PAX9: variants seen among roughly 807,000 people sequenced by gnomAD.
The protein encoded by PAX9 is paired box 9, also known as paired box protein Pax-9.
In PAX9, 6 loss-of-function variants were observed where a neutral mutation model predicts 29.1. That is an observed-to-expected ratio of 0.21 (90% CI 0.11 to 0.41). The LOEUF (loss-of-function observed/expected upper bound fraction) is 0.41. Ranked by LOEUF, PAX9 falls within the 10% of genes least tolerant of loss-of-function variation. The probability of loss-of-function intolerance (pLI) is 1.00; values close to 1 mark genes in which losing one functional copy is unlikely to be tolerated. For missense variants in PAX9, 443 were observed against 479.1 expected, an observed-to-expected ratio of 0.92 and a Z score of 0.70; for synonymous variants, 217 against 211.7, an observed-to-expected ratio of 1.03 and a Z score of -0.22.
chr14:36,658,110 A>G (rs904203414), upstream of PAX9, among the ~76,000 whole-genome samples: 1 of 151,840 alleles, frequency 6.6e-6, no homozygotes, highest in African/African-American at 2.4e-5. Flanking sequence ...TTTCAGGGAA[A>G]CTCAGCTGGC....
chr14:36,676,051 T>C, intron 3 of PAX9, 147 bp from the exon 4 acceptor site: 3 of 701,748 alleles, frequency 4.3e-6, no homozygotes, highest in South Asian at 3.8e-5. Context: ...TAGAATATAA[T>C]AAAGCTCAAA....
rs1319952972 is a variant in PAX9 at position 36,679,009 on chromosome 14, T to G, written c.*2557T>G. 57 of 908,172 alleles carry G rather than the reference T, an allele frequency of 6.3e-5. No homozygotes were observed. The highest frequency in any genetic ancestry group is 6.7e-5 in the Non-Finnish European group (53 of 786,092). The allele number at this position is 908,172 out of a possible 1,614,324, so 56.3% of individuals were successfully genotyped here. ...TCTATCTCATAGATGGTAAAAGTGT[T>G]GCTTTTAAACTGGCAAATGCACTCT... On this transcript the variant is annotated 3_prime_UTR_variant, in exon 4 of 4. Transcript: ENST00000361487.
At chr14:36,660,818 A>C (rs1265710506), upstream of PAX9, among the ~76,000 whole-genome samples, 3 of 152,260 alleles carry the variant, frequency 2.0e-5, no homozygotes, top group East Asian at 5.8e-4. Flanking sequence ...CTTTGGCTGC[A>C]AAAAAGCATA....
chr14:36,670,094 G>C (rs1480255260), intron 3 of PAX9, among the ~76,000 whole-genome samples: 1 of 151,960 alleles, frequency 6.6e-6, no homozygotes, highest in East Asian at 1.9e-4. Context: ...ATGAATTAAT[G>C]CCTCAATTTT....
rs933659512 is a variant in PAX9 at position 36,666,150 on chromosome 14, C to T, written c.632-312C>T. The T allele has an allele frequency of 3.6e-5, 13 of 361,384 alleles. No homozygotes were observed. In the Admixed American group the frequency reaches 3.8e-4, roughly 11 times the overall value. The allele number at this position is 361,384 out of a possible 1,614,324, so 22.4% of individuals were successfully genotyped here. The stretch of plus-strand genomic sequence containing the variant: ...TTCCTTCTCCGATTTAGGTTTCTTC[C>T]ACTCCTTTGCCCTGGGAGAGCAAAG... On this transcript the variant is annotated intron_variant, in intron 2 of 3. Coordinates refer to ENST00000361487, the MANE Select transcript of PAX9 (RefSeq NM_001372076.1).
Position 36,674,231 on chromosome 14 carries a change from A to G in PAX9, c.772-1967A>G, listed in dbSNP as rs377024228. On this transcript the variant is annotated intron_variant, in intron 3 of 3. Transcript: ENST00000361487. ...CTATTCTTTTTTTAGAAGGGATCTGACAATGAGAATCATGTTCTAGGAGAG... is the reference window on the plus strand; with the variant it reads ...CTATTCTTTTTTTAGAAGGGATCTGGCAATGAGAATCATGTTCTAGGAGAG... Among the ~76,000 whole-genome samples the G allele has an allele frequency of 3.9e-5, 6 of 152,250 alleles. No individual in the cohort carries two copies. The South Asian group carries it at 1.2e-3, about 31-fold the overall frequency.
intron 2 of PAX9, among the ~76,000 whole-genome samples, chr14:36,663,852 G>A (rs1372461959): frequency 1.3e-5 from 2 of 152,216 alleles, no homozygotes; most frequent in African/African-American, 4.8e-5. Flanking sequence ...CACTTGGAGA[G>A]TGCGGCCGGG....
chr14:36,658,058 C>G (rs1027786854), upstream of PAX9, among the ~76,000 whole-genome samples: 2 of 152,118 alleles, frequency 1.3e-5, no homozygotes, highest in African/African-American at 2.4e-5. Context: ...CTCCCTCGCC[C>G]TGGGCGCGGG....
At chr14:36,658,140 G>A (rs1881102773), upstream of PAX9, among the ~76,000 whole-genome samples, 1 of 152,100 alleles carries the variant, frequency 6.6e-6, no homozygotes, top group Non-Finnish European at 1.5e-5. Context: ...TGCAAGACGG[G>A]GACATAGCAG....
Position 36,678,791 on chromosome 14 carries a change from T to TGAA in PAX9, c.*2341_*2343dup, listed in dbSNP as rs1465983432. On this transcript the variant is annotated 3_prime_UTR_variant, in exon 4 of 4. Transcript: ENST00000361487. ...TTAAAAAATCTAATATTAATGGTATTGAAGTTTCCTTTTCTCCCTCTAGGT... is the reference window on the plus strand; with the variant it reads ...TTAAAAAATCTAATATTAATGGTATTGAAGAAGTTTCCTTTTCTCCCTCTAGGT... 8 of 1,029,998 alleles carry TGAA rather than the reference T, an allele frequency of 7.8e-6. No individual in the cohort carries two copies. The highest frequency in any genetic ancestry group is 9.4e-6 in the Non-Finnish European group (8 of 848,586). 63.8% of individuals were successfully genotyped at this position (1,029,998 alleles called of 1,614,324 possible).
In PAX9 at chr14:36,679,341, A is replaced by G. The variant is rs1272205820; in HGVS notation, c.*2889A>G. 1 of 970,002 alleles carries G rather than the reference A, an allele frequency of 1.0e-6. No homozygotes were observed. The highest frequency in any genetic ancestry group is 1.8e-5 in the African/African-American group (1 of 56,844). 60.1% of individuals were successfully genotyped at this position (970,002 alleles called of 1,614,324 possible). ...TTATTTTTATACTTCAAATGCTCTA[A>G]ATTAATAAAAAGTAATAATTACCAT... On this transcript the variant is annotated 3_prime_UTR_variant, in exon 4 of 4. Transcript: ENST00000361487.
chr14:36,661,810 T>G, upstream of PAX9: 14 of 523,216 alleles, frequency 2.7e-5, no homozygotes, highest in East Asian at 1.1e-4. Flanking sequence ...ACCCGCCCCT[T>G]TTAGGGCGTG....
At chr14:36,659,894 A>C (rs572931348), upstream of PAX9, among the ~76,000 whole-genome samples, 6 of 152,332 alleles carry the variant, frequency 3.9e-5, no homozygotes, top group African/African-American at 1.4e-4. Context: ...AAGCTCTCGC[A>C]GAGTCCCCAG....
At chr14:36,673,395 A>G (rs1445843512) in intron 3 of PAX9, among the ~76,000 whole-genome samples, 3 of 152,212 alleles carry the variant, frequency 2.0e-5, no homozygotes, top group Admixed American at 6.5e-5. Context: ...CACTTGATAA[A>G]TGAATGTAAT....
chr14:36,672,462 A>G (rs1881720230), intron 3 of PAX9, among the ~76,000 whole-genome samples: 1 of 152,202 alleles, frequency 6.6e-6, no homozygotes, highest in Non-Finnish European at 1.5e-5. Context: ...TTACTTTTTC[A>G]GTGATTGCTT....
chr14:36,664,568 GTTTT>G (rs34440866), intron 2 of PAX9, among the ~76,000 whole-genome samples: 2 of 141,988 alleles, frequency 1.4e-5, no homozygotes, highest in Admixed American at 7.0e-5. Context: ...CTTTTACTGA[GTTTT>G]TTTTTTTTTT....
intron 3 of PAX9, among the ~76,000 whole-genome samples, chr14:36,674,261 G>A (rs575467319): frequency 1.3e-5 from 2 of 152,270 alleles, no homozygotes; most frequent in South Asian, 4.1e-4. Context: ...GGAGAGAAAA[G>A]AATTTGTTAC....
At chr14:36,668,587 C>T (rs186123134) in intron 3 of PAX9, among the ~76,000 whole-genome samples, 2 of 152,098 alleles carry the variant, frequency 1.3e-5, no homozygotes, top group Admixed American at 6.6e-5. Context: ...GAGGGTTTCA[C>T]CATGTTGGCC....
intron 3 of PAX9, among the ~76,000 whole-genome samples, chr14:36,674,210 TC>T (rs1242682197): frequency 3.3e-5 from 5 of 152,206 alleles, no homozygotes; most frequent in African/African-American, 1.2e-4. Context: ...AAGAAACTAT[TC>T]TTTTTTTAGA....
Sources: allele counts gnomAD v4.1 joint callset (sites outside exome capture counted in the v4.1 genomes callset), GRCh38; gene constraint gnomAD v4.1.1; transcripts MANE v1.5; gene names NCBI Gene and HGNC (gene_info 2026-07-23, HGNC 2026-07-21).